Variants in SPATA12 observed in about 807,000 individuals in gnomAD.
SPATA12 encodes the protein spermatogenesis-associated protein 12.
For synonymous variants in SPATA12, 85 were observed against 89.2 expected, an observed-to-expected ratio of 0.95 and a Z score of 0.26; for missense variants, 219 against 226.4, an observed-to-expected ratio of 0.97 and a Z score of 0.21.
rs539831922 is a variant in SPATA12 at position 57,061,700 on chromosome 3, G to A, written c.-330+914G>A. Among the ~76,000 whole-genome samples, 3 of 152,242 alleles carry A rather than the reference G, an allele frequency of 2.0e-5. No individual in the cohort carries two copies. In the East Asian group the frequency reaches 5.8e-4, roughly 29 times the overall value. ...TATGATACCTCTATGTTTAACTCCT[G>A]TTACACTTTTAGGATTCTGGCAGCC... is the stretch of plus-strand genomic sequence containing the variant. On this transcript the variant is annotated intron_variant, in intron 1 of 1. Transcript: ENST00000334325.
intron 1 of SPATA12, among the ~76,000 whole-genome samples, chr3:57,064,106 A>C (rs1356834747): frequency 1.3e-5 from 2 of 152,082 alleles, no homozygotes; most frequent in Admixed American, 1.3e-4. Flanking sequence ...GTCTCTACCA[A>C]AAATACAAAA....
chr3:57,062,223 C>T (rs1312303452), intron 1 of SPATA12, among the ~76,000 whole-genome samples: 2 of 152,192 alleles, frequency 1.3e-5, no homozygotes, highest in Non-Finnish European at 2.9e-5. Context: ...CCTCGCAGCT[C>T]CACACTCTGG....
At position 57,073,867 on chromosome 3, in the gene SPATA12, G is replaced by A. The variant is rs754516467; in HGVS notation, c.173G>A (p.Gly58Asp). 1.1e-5 allele frequency: 17 copies of A among 1,614,100 alleles called. No homozygotes were observed. Among genetic ancestry groups the A allele is most frequent in the South Asian group, 6.6e-5 (6 of 91,096 alleles). ...HCALASCQGPGVLPGAASALP... is the reference protein window; with the variant it reads ...HCALASCQGPDVLPGAASALP... The stretch of plus-strand genomic sequence containing the variant: ...GCACTGGCATCATGCCAGGGTCCAG[G>A]TGTCCTGCCAGGAGCAGCCTCTGCC... Residue 58 changes from glycine (G) to aspartate (D), a missense_variant, in exon 2 of 2, where the codon GGT becomes GAT. Gly to Asp is a moderately conservative substitution (Grantham distance 94). Coordinates refer to ENST00000334325, the MANE Select transcript of SPATA12 (RefSeq NM_181727.2).
rs1705396903 is a variant in SPATA12, at chr3:57,064,209, C to T, written c.-330+3423C>T. 1.3e-5 allele frequency among the ~76,000 whole-genome samples: 2 copies of T among 152,152 alleles called. 1 individual carries two copies. Among genetic ancestry groups the T allele is most frequent in the Admixed American group, 1.3e-4 (2 of 15,272 alleles). On this transcript the variant is annotated intron_variant, in intron 1 of 1. Transcript: ENST00000334325. Reference sequence around the variant, plus strand: ...GCTTGAGCCTGGGGGGTAGAGGTTGCAGTGAGCTGAGATTGTGCCACTGCA... The same window carrying T: ...GCTTGAGCCTGGGGGGTAGAGGTTGTAGTGAGCTGAGATTGTGCCACTGCA...
intron 1 of SPATA12, among the ~76,000 whole-genome samples, chr3:57,072,532 G>C (rs1705969747): frequency 6.6e-6 from 1 of 151,790 alleles, no homozygotes; most frequent in African/African-American, 2.4e-5. Context: ...CTTGAGCTCA[G>C]GGGTTCAAGA....
chr3:57,070,010 T>C (rs1560177132), intron 1 of SPATA12, among the ~76,000 whole-genome samples: 3 of 152,194 alleles, frequency 2.0e-5, no homozygotes, highest in Admixed American at 2.0e-4. Context: ...CAAACTATGA[T>C]GTGAGTGAAT....
chr3:57,071,564 G>A (rs1484654565), intron 1 of SPATA12, among the ~76,000 whole-genome samples: 1 of 151,748 alleles, frequency 6.6e-6, no homozygotes, highest in Non-Finnish European at 1.5e-5. Context: ...AGAGGCTGAG[G>A]CAGGAGAATC....
At chr3:57,066,106 C>T (rs1410919425) in intron 1 of SPATA12, among the ~76,000 whole-genome samples, 2 of 151,946 alleles carry the variant, frequency 1.3e-5, no homozygotes, top group African/African-American at 2.4e-5. Flanking sequence ...TCTGCACCCC[C>T]ACTGCCAATC....
chr3:57,073,836 C>T lies in SPATA12; in HGVS notation c.142C>T (p.His48Tyr), dbSNP rs1706068661. 2 of 1,614,108 alleles carry T rather than the reference C, an allele frequency of 1.2e-6. No homozygotes were observed. Among genetic ancestry groups the T allele is most frequent in the African/African-American group, 1.3e-5 (1 of 74,944 alleles). ...GSSTQHPNKP[H>Y]CALASCQGPG... Reference sequence around the variant, plus strand: ...ATCCACCCAACATCCCAACAAACCCCACTGTGCACTGGCATCATGCCAGGG... The same window carrying T: ...ATCCACCCAACATCCCAACAAACCCTACTGTGCACTGGCATCATGCCAGGG... Residue 48 changes from histidine to tyrosine, a missense_variant, in exon 2 of 2, where the codon CAC becomes TAC. Transcript: ENST00000334325.
At chr3:57,065,093 G>C (rs1579202415) in intron 1 of SPATA12, among the ~76,000 whole-genome samples, 2 of 152,184 alleles carry the variant, frequency 1.3e-5, no homozygotes, top group South Asian at 4.1e-4. Flanking sequence ...TTTTAAGTTG[G>C]GAGAAATAAC....
At chr3:57,071,894 A>G (rs942511339) in intron 1 of SPATA12, among the ~76,000 whole-genome samples, 5 of 152,234 alleles carry the variant, frequency 3.3e-5, no homozygotes, top group Non-Finnish European at 5.9e-5. Flanking sequence ...TGAACTCAGA[A>G]TATATAAAGA....
intron 1 of SPATA12, among the ~76,000 whole-genome samples, chr3:57,070,956 A>G (rs372757578): frequency 8.2e-5 from 12 of 146,466 alleles, no homozygotes; most frequent in African/African-American, 2.6e-4. Context: ...TGGGTGACAG[A>G]GCAAGACTCT....
At chr3:57,067,292 A>C (rs1293522284) in intron 1 of SPATA12, among the ~76,000 whole-genome samples, 2 of 151,718 alleles carry the variant, frequency 1.3e-5, no homozygotes, top group Non-Finnish European at 2.9e-5. Flanking sequence ...TCTTCTAAAA[A>C]TACAAAAACA....
At chr3:57,073,008 T>A in intron 1 of SPATA12, among the ~76,000 whole-genome samples, 1 of 152,162 alleles carries the variant, frequency 6.6e-6, no homozygotes, top group East Asian at 1.9e-4. Flanking sequence ...GTCATGCCAG[T>A]GCACTCCAGC....
chr3:57,068,858 T>A (rs1490471604), intron 1 of SPATA12, among the ~76,000 whole-genome samples: 1 of 151,522 alleles, frequency 6.6e-6, no homozygotes, highest in Non-Finnish European at 1.5e-5. Context: ...GGAAACAAAA[T>A]CCCTATGAAC....
At chr3:57,069,900 C>T (rs1705789747) in intron 1 of SPATA12, among the ~76,000 whole-genome samples, 1 of 152,248 alleles carries the variant, frequency 6.6e-6, no homozygotes, top group Non-Finnish European at 1.5e-5. Context: ...CCACTTCAAC[C>T]TCCCAAAGTG....
chr3:57,073,729 T>C lies in SPATA12; in HGVS notation c.35T>C (p.Leu12Ser). ...TCTGCTCTGACTTGTGGGTCCACCTTAGAAAAGTCAGGAGACACCTGGGAA... is the reference window on the plus strand; with the variant it reads ...TCTGCTCTGACTTGTGGGTCCACCTCAGAAAAGTCAGGAGACACCTGGGAA... Reference protein sequence around the residue: ...SSSALTCGSTLEKSGDTWEMK... With the variant: ...SSSALTCGSTSEKSGDTWEMK... The change falls in exon 2 of 2, where the codon TTA becomes TCA. Residue 12 changes from leucine (L) to serine (S), a missense_variant. Physicochemically the swap from Leu to Ser is moderately radical, Grantham distance 145. Transcript: ENST00000334325. 6.2e-7 allele frequency: 1 copy of C among 1,614,172 alleles called. No individual in the cohort carries two copies. Among genetic ancestry groups the C allele is most frequent in the Non-Finnish European group, 8.5e-7 (1 of 1,180,018 alleles).
At chr3:57,069,283 C>A (rs1705744690) in intron 1 of SPATA12, among the ~76,000 whole-genome samples, 1 of 152,052 alleles carries the variant, frequency 6.6e-6, no homozygotes, top group Non-Finnish European at 1.5e-5. Flanking sequence ...TCTCTTCTCC[C>A]AGAAACAAAC....
At chr3:57,072,993 C>G (rs1405716536) in intron 1 of SPATA12, among the ~76,000 whole-genome samples, 3 of 152,158 alleles carry the variant, frequency 2.0e-5, no homozygotes, top group African/African-American at 7.2e-5. Flanking sequence ...TTGCAGTGAG[C>G]CAAGGTCATG....
Sources: allele counts gnomAD v4.1 joint callset (sites outside exome capture counted in the v4.1 genomes callset), GRCh38; gene constraint gnomAD v4.1.1; transcripts MANE v1.5; gene names NCBI Gene and HGNC (gene_info 2026-07-23, HGNC 2026-07-21).